Variants in PSD3 observed in about 807,000 individuals in gnomAD.
The protein encoded by PSD3 is PH and SEC7 domain-containing protein 3.
PSD3 carries 49 observed loss-of-function variants against 105.5 expected under a neutral mutation model. The observed-to-expected ratio is 0.46, with a 90% CI of 0.37 to 0.59. The LOEUF is 0.59. PSD3 is among the 20% of genes least tolerant of loss of function. The probability of loss-of-function intolerance (pLI) is 0.00; values close to 1 mark genes in which losing one functional copy is unlikely to be tolerated. For synonymous variants in PSD3, 557 were observed against 457.8 expected, an observed-to-expected ratio of 1.22 and a Z score of -2.77; for missense variants, 1,561 against 1,263.8, an observed-to-expected ratio of 1.24 and a Z score of -3.57.
intron 11 of PSD3, among the ~76,000 whole-genome samples, chr8:18,625,362 T>A (rs1266715405): frequency 1.3e-5 from 2 of 152,308 alleles, no homozygotes; most frequent in East Asian, 3.9e-4. Flanking sequence ...TATGTCTTAT[T>A]ATCTTGGAAA....
chr8:18,708,946 C>A (rs757169982), intron 9 of PSD3, among the ~76,000 whole-genome samples: 4 of 152,166 alleles, frequency 2.6e-5, no homozygotes, highest in African/African-American at 4.8e-5. Context: ...CCAGGGAAAC[C>A]ACGCTTTTTC....
At chr8:18,696,271 T>TC (rs1801255644) in intron 9 of PSD3, among the ~76,000 whole-genome samples, 1 of 152,340 alleles carries the variant, frequency 6.6e-6, no homozygotes, top group Admixed American at 6.5e-5. Context: ...CTCAGTCTGT[T>TC]CCCCAGGGAA....
chr8:18,715,262 A>G (rs964610015), intron 9 of PSD3, among the ~76,000 whole-genome samples: 10 of 152,220 alleles, frequency 6.6e-5, no homozygotes, highest in African/African-American at 2.4e-4. Flanking sequence ...CACATCCTGC[A>G]CATGTAAAAT....
intron 9 of PSD3, among the ~76,000 whole-genome samples, chr8:18,747,126 C>T (rs1361224955): frequency 6.6e-6 from 1 of 152,186 alleles, no homozygotes; most frequent in Admixed American, 6.5e-5. Flanking sequence ...GTAAATAATG[C>T]CCCCACATCT....
chr8:19,037,687 C>T (rs773358689), intron 1 of PSD3, among the ~76,000 whole-genome samples: 8 of 152,150 alleles, frequency 5.3e-5, no homozygotes, highest in Non-Finnish European at 1.0e-4. Flanking sequence ...ACATCCTCTT[C>T]TGCTGCATTT....
intron 10 of PSD3, among the ~76,000 whole-genome samples, chr8:18,635,512 G>C (rs1585453735): frequency 6.6e-6 from 1 of 151,946 alleles, no homozygotes; most frequent in South Asian, 2.1e-4. Flanking sequence ...CAGTGTTAGA[G>C]TATCCTACTT....
At chr8:18,640,836 G>A (rs949840651) in intron 10 of PSD3, among the ~76,000 whole-genome samples, 1 of 152,136 alleles carries the variant, frequency 6.6e-6, no homozygotes, top group Non-Finnish European at 1.5e-5. Flanking sequence ...AGAGAAACTC[G>A]ACACTTGCCC....
chr8:18,979,565 G>A (rs987081718), intron 1 of PSD3: 1 of 152,156 alleles, frequency 6.6e-6, no homozygotes, highest in African/African-American at 2.4e-5. Context: ...ATACATGAGT[G>A]AAGCATTTAT....
chr8:18,660,566 C>T (rs930734729), intron 9 of PSD3, among the ~76,000 whole-genome samples: 2 of 152,182 alleles, frequency 1.3e-5, no homozygotes, highest in Non-Finnish European at 2.9e-5. Flanking sequence ...CAGTCTTTCC[C>T]CACAGTGGTC....
At chr8:18,604,046 T>G (rs1323075374) in intron 11 of PSD3, among the ~76,000 whole-genome samples, 1 of 152,188 alleles carries the variant, frequency 6.6e-6, no homozygotes, top group Admixed American at 6.5e-5. Context: ...GGGCATTGCT[T>G]ATAAAGATAC....
intron 10 of PSD3, among the ~76,000 whole-genome samples, chr8:18,647,510 T>C (rs1305957872): frequency 6.6e-6 from 1 of 151,880 alleles, no homozygotes; most frequent in East Asian, 1.9e-4. Context: ...AAAGAACAAA[T>C]GTGCTAAATG....
chr8:18,856,641 G>C (rs1353599006), intron 4 of PSD3, among the ~76,000 whole-genome samples: 3 of 152,154 alleles, frequency 2.0e-5, no homozygotes, highest in East Asian at 1.9e-4. Flanking sequence ...ATGTCACCTT[G>C]TTTGCGTTGA....
intron 1 of PSD3, among the ~76,000 whole-genome samples, chr8:18,936,886 C>A (rs887496072): frequency 6.6e-6 from 1 of 152,010 alleles, no homozygotes; most frequent in African/African-American, 2.4e-5. Context: ...AACAAAAAAA[C>A]CAGTCTTTCC....
chr8:18,792,307 A>C (rs139768720), intron 8 of PSD3, among the ~76,000 whole-genome samples: 1 of 152,324 alleles, frequency 6.6e-6, no homozygotes, highest in African/African-American at 2.4e-5. Context: ...AAAGACATGG[A>C]ATCAACCTAA....
rs192696289 is a variant in PSD3 at position 19,073,037 on chromosome 8, T to G, written c.324+11169A>C. ...TGGGGCTAGATTTTATTAAAGATAA[T>G]AAAATGGTTAATTATCTGAGAATGT... On this transcript the variant is annotated intron_variant, in intron 1 of 1. Coordinates refer to the PSD3 transcript ENST00000521475. 1.1e-4 allele frequency among the ~76,000 whole-genome samples: 17 copies of G among 152,306 alleles called. No individual in the cohort carries two copies. The East Asian group carries it at 2.9e-3, about 26-fold the overall frequency.
At chr8:18,920,335 G>A (rs1820925598) in intron 2 of PSD3, among the ~76,000 whole-genome samples, 2 of 152,082 alleles carry the variant, frequency 1.3e-5, no homozygotes, top group East Asian at 1.9e-4. Context: ...TATCACAAAG[G>A]GGAAATAAAA....
intron 2 of PSD3, among the ~76,000 whole-genome samples, chr8:18,896,495 C>T (rs1403377237): frequency 2.0e-5 from 3 of 152,136 alleles, no homozygotes; most frequent in African/African-American, 4.8e-5. Flanking sequence ...CTTGCTGCAG[C>T]CTTGACCCCC....
chr8:18,638,085 G>C (rs977204172), intron 10 of PSD3, among the ~76,000 whole-genome samples: 63 of 150,520 alleles, frequency 4.2e-4, no homozygotes, highest in Non-Finnish European at 2.4e-4. Context: ...AACCTGGCAA[G>C]TGGAGGTTGC....
chr8:18,864,588 T>C (rs1429304564), intron 4 of PSD3: 1 of 152,206 alleles, frequency 6.6e-6, no homozygotes, highest in African/African-American at 2.4e-5. Flanking sequence ...TCTTATTCCT[T>C]TTCTTTTAAG....
Sources: allele counts gnomAD v4.1 joint callset (sites outside exome capture counted in the v4.1 genomes callset), GRCh38; gene constraint gnomAD v4.1.1; transcripts MANE v1.5; gene names NCBI Gene and HGNC (gene_info 2026-07-23, HGNC 2026-07-21).